Variants in DSCAM observed in about 807,000 individuals in gnomAD.
The protein encoded by DSCAM is cell adhesion molecule DSCAM.
A neutral mutation model predicts 217.7 loss-of-function variants in DSCAM; 47 were observed. The observed-to-expected ratio is 0.22, with a 90% confidence interval of 0.17 to 0.28. The LOEUF (loss-of-function observed/expected upper bound fraction) is 0.28. Ranked by LOEUF, DSCAM falls within the 10% of genes least tolerant of loss-of-function variation. DSCAM has a pLI of 1.00. For missense variants in DSCAM, 2,080 were observed against 2,618.3 expected (o/e 0.79, Z 4.49); for synonymous variants, 1,056 against 1,015.3 (o/e 1.04, Z -0.76).
intron 1 of DSCAM, among the ~76,000 whole-genome samples, chr21:40,802,458 G>T (rs910686310): frequency 1.3e-5 from 2 of 152,174 alleles, no homozygotes; most frequent in Non-Finnish European, 2.9e-5. Context: ...ATTTGTATGT[G>T]AGAAGGACAT....
intron 3 of DSCAM, among the ~76,000 whole-genome samples, chr21:40,568,081 T>C (rs190807294): frequency 6.6e-6 from 1 of 152,280 alleles, no homozygotes; most frequent in African/African-American, 2.4e-5. Flanking sequence ...TCTTCTTCTT[T>C]CCATTTCTGA....
At position 40,443,155 on chromosome 21, in the gene DSCAM, A is replaced by G. The variant is rs150890307; in HGVS notation, c.509-73910T>C. Among the ~76,000 whole-genome samples the G allele has an allele frequency of 2.7e-3, 415 of 152,338 alleles. 4 individuals carry two copies. Among genetic ancestry groups the G allele is most frequent in the African/African-American group, 8.8e-3 (366 of 41,580 alleles). On this transcript the variant is annotated intron_variant, in intron 3 of 32. Transcript: ENST00000400454. ...GGAAGGCTATGTGGATCTTCTGAGT[A>G]TTGGCTAATTTATGTAATTCGCTTA...
chr21:40,348,896 C>G (rs929675228), intron 5 of DSCAM, among the ~76,000 whole-genome samples: 2 of 151,946 alleles, frequency 1.3e-5, no homozygotes, highest in Non-Finnish European at 2.9e-5. Flanking sequence ...AATCCCAGCA[C>G]TTTGTGAGGC....
intron 3 of DSCAM, among the ~76,000 whole-genome samples, chr21:40,620,191 AAAAGAAAG>A (rs1214771983): frequency 2.3e-5 from 3 of 131,036 alleles, no homozygotes; most frequent in East Asian, 2.2e-4. Context: ...AGAAAAAAGA[AAAAGAAAG>A]AAAGAGAGAA....
intron 3 of DSCAM, among the ~76,000 whole-genome samples, chr21:40,593,664 A>G (rs1218379304): frequency 1.3e-5 from 2 of 152,210 alleles, no homozygotes; most frequent in Non-Finnish European, 2.9e-5. Context: ...TCAATATTAT[A>G]AAACTATTTA....
intron 4 of DSCAM, among the ~76,000 whole-genome samples, chr21:40,368,762 T>G (rs779365811): frequency 6.6e-6 from 1 of 152,206 alleles, no homozygotes; most frequent in African/African-American, 2.4e-5. Flanking sequence ...GTTGGGTATT[T>G]TGTATTTGGT....
intron 14 of DSCAM, among the ~76,000 whole-genome samples, chr21:40,183,704 C>T (rs1475487047): frequency 6.6e-6 from 1 of 152,160 alleles, no homozygotes; most frequent in Non-Finnish European, 1.5e-5. Flanking sequence ...CAGAGCTGTG[C>T]TCCCTGGGTT....
At chr21:40,658,459 G>A (rs778995003) in intron 3 of DSCAM, among the ~76,000 whole-genome samples, 8 of 152,150 alleles carry the variant, frequency 5.3e-5, no homozygotes, top group Non-Finnish European at 7.4e-5. Context: ...TTGAAACTGA[G>A]CCAAACTGAC....
chr21:40,820,039 T>A (rs2091912809), intron 1 of DSCAM, among the ~76,000 whole-genome samples: 1 of 151,958 alleles, frequency 6.6e-6, no homozygotes, highest in Admixed American at 6.6e-5. Context: ...TGCTTGTGAC[T>A]AAAAAAAGCT....
At chr21:40,542,200 T>C (rs1219827345) in intron 3 of DSCAM, among the ~76,000 whole-genome samples, 1 of 152,154 alleles carries the variant, frequency 6.6e-6, no homozygotes, top group East Asian at 1.9e-4. Flanking sequence ...AAATAAATAC[T>C]CAATCTCAAA....
chr21:40,263,144 C>T (rs1055198566), intron 11 of DSCAM, among the ~76,000 whole-genome samples: 6 of 152,092 alleles, frequency 3.9e-5, no homozygotes, highest in African/African-American at 9.7e-5. Context: ...TGTGCCTCTT[C>T]GTTAAGGAAT....
chr21:40,620,621 C>A (rs900369630), intron 3 of DSCAM, among the ~76,000 whole-genome samples: 1 of 151,878 alleles, frequency 6.6e-6, no homozygotes, highest in African/African-American at 2.4e-5. Context: ...GCAGGCAATA[C>A]CAAATGATGG....
At chr21:40,434,186 C>A (rs1177927175) in intron 3 of DSCAM, among the ~76,000 whole-genome samples, 3 of 152,158 alleles carry the variant, frequency 2.0e-5, no homozygotes, top group Non-Finnish European at 4.4e-5. Context: ...GCAGAGCACA[C>A]TTATTCTCAA....
chr21:40,343,657 C>T (rs778001450), intron 6 of DSCAM, among the ~76,000 whole-genome samples: 95 of 152,092 alleles, frequency 6.2e-4, no homozygotes, highest in Non-Finnish European at 9.9e-4. Context: ...CACACACACA[C>T]ACAATCTATA....
intron 2 of DSCAM, among the ~76,000 whole-genome samples, chr21:40,704,317 G>C (rs2090688738): frequency 6.6e-6 from 1 of 152,168 alleles, no homozygotes; most frequent in South Asian, 2.1e-4. Context: ...CTTTCACTTA[G>C]TAACAGGCAT....
rs1388297637 is a variant in DSCAM, at chr21:40,401,309, G to A, written c.509-32064C>T. Reference sequence around the variant, plus strand: ...ATACATTTCCTGTTTCCTCACAGAGGCTATTAAAAAGTCATATACTCAAGG... The same window carrying A: ...ATACATTTCCTGTTTCCTCACAGAGACTATTAAAAAGTCATATACTCAAGG... On this transcript the variant is annotated intron_variant, in intron 3 of 32. Transcript: ENST00000400454. 3.9e-5 allele frequency among the ~76,000 whole-genome samples: 6 copies of A among 152,090 alleles called. No homozygotes were observed. In the East Asian group the frequency reaches 1.2e-3, roughly 29 times the overall value.
At chr21:40,749,242 AT>A (rs762623297) in intron 1 of DSCAM, among the ~76,000 whole-genome samples, 1 of 152,200 alleles carries the variant, frequency 6.6e-6, no homozygotes, top group Non-Finnish European at 1.5e-5. Flanking sequence ...CAAATTAAAA[AT>A]CTTTTGCACA....
At chr21:40,510,146 T>TC (rs910600433) in intron 3 of DSCAM, among the ~76,000 whole-genome samples, 36 of 148,404 alleles carry the variant, frequency 2.4e-4, no homozygotes, top group South Asian at 6.5e-4. Context: ...TCTAAAATTG[T>TC]CCCCCCCCAA....
At position 40,607,489 on chromosome 21, in the gene DSCAM, A is replaced by G. The variant is rs539270926; in HGVS notation, c.508+85321T>C. Among the ~76,000 whole-genome samples, 3 of 151,796 alleles carry G rather than the reference A, an allele frequency of 2.0e-5. No individual in the cohort carries two copies. In the South Asian group the frequency reaches 6.3e-4, roughly 32 times the overall value. The stretch of plus-strand genomic sequence containing the variant: ...AGCGATATTCTTTCTTTAGGGGAAA[A>G]ATGAAAAGAAGCATGATATGGTTTG... On this transcript the variant is annotated intron_variant, in intron 3 of 32. Coordinates refer to ENST00000400454, the MANE Select transcript of DSCAM (RefSeq NM_001389.5).
Sources: allele counts gnomAD v4.1 joint callset (sites outside exome capture counted in the v4.1 genomes callset), GRCh38; gene constraint gnomAD v4.1.1; transcripts MANE v1.5; gene names NCBI Gene and HGNC (gene_info 2026-07-23, HGNC 2026-07-21).